The following DSCAM variants were observed in gnomAD, a reference collection of about 807,000 sequenced individuals.
DSCAM encodes the protein cell adhesion molecule DSCAM.
DSCAM carries 47 observed loss-of-function variants against 217.7 expected under a neutral mutation model. The observed-to-expected ratio is 0.22, with a 90% CI of 0.17 to 0.28. DSCAM has a LOEUF of 0.28. Ranked by LOEUF, DSCAM falls within the 10% of genes least tolerant of loss-of-function variation. DSCAM has a pLI of 1.00. For missense variants in DSCAM, 2,080 were observed against 2,618.3 expected, an observed-to-expected ratio of 0.79 and a Z score of 4.49; for synonymous variants, 1,056 against 1,015.3, an observed-to-expected ratio of 1.04 and a Z score of -0.76.
chr21:40,710,901 C>T (rs2090772535), intron 1 of DSCAM, among the ~76,000 whole-genome samples: 1 of 152,154 alleles, frequency 6.6e-6, no homozygotes, highest in African/African-American at 2.4e-5. Context: ...TTATTGTATG[C>T]TTCATAGTAT....
intron 11 of DSCAM, among the ~76,000 whole-genome samples, chr21:40,196,901 T>C (rs550067543): frequency 6.6e-6 from 1 of 152,308 alleles, no homozygotes; most frequent in African/African-American, 2.4e-5. Flanking sequence ...GATTCTAAAT[T>C]ATGCTATAAA....
chr21:40,243,300 C>G (rs2073178214), intron 11 of DSCAM, among the ~76,000 whole-genome samples: 1 of 152,066 alleles, frequency 6.6e-6, no homozygotes, highest in Non-Finnish European at 1.5e-5. Context: ...AAATTTCAGT[C>G]TTTGTGGGAG....
intron 1 of DSCAM, among the ~76,000 whole-genome samples, chr21:40,782,003 A>AAG (rs2091550017): frequency 6.7e-6 from 1 of 149,346 alleles, no homozygotes; most frequent in Admixed American, 6.7e-5. Context: ...AAAAAAAAAA[A>AAG]AAAAAAAGAA....
chr21:40,082,518 T>C (rs1182888758), intron 24 of DSCAM, among the ~76,000 whole-genome samples: 1 of 144,058 alleles, frequency 6.9e-6, no homozygotes, highest in Non-Finnish European at 1.5e-5. Flanking sequence ...TCGTACAATT[T>C]GTGCTGTGCA....
At chr21:40,360,483 G>C (rs1210481766) in intron 4 of DSCAM, among the ~76,000 whole-genome samples, 1 of 151,870 alleles carries the variant, frequency 6.6e-6, no homozygotes, top group Non-Finnish European at 1.5e-5. Flanking sequence ...ACAGTCTAGT[G>C]TCCACAGTGT....
Position 40,339,351 on chromosome 21 carries a change from G to A in DSCAM, c.1275C>T (p.Ser425=), listed in dbSNP as rs1601564506. The A allele has an allele frequency of 1.2e-6, 2 of 1,613,920 alleles. No individual in the cohort carries two copies. The highest frequency in any genetic ancestry group is 1.6e-4 in the Middle Eastern group (1 of 6,062). The change falls in exon 7 of 33, where the codon TCC becomes TCT. Residue 425 remains serine (S), a synonymous_variant. Transcript: ENST00000400454. ...GTGTTCCCTTCACGTTGCACATAAG[G>A]GAAACCGGCTCTGCTGGACTCACCA... The part of the protein sequence containing the change: ...EKVVSPAEPV[S]LMCNVKGTPL...
At chr21:40,132,318 G>A (rs149781638) in intron 19 of DSCAM, among the ~76,000 whole-genome samples, 1 of 152,174 alleles carries the variant, frequency 6.6e-6, no homozygotes, top group Admixed American at 6.5e-5. Flanking sequence ...TAGGTAAGGT[G>A]CCCAAAGACC....
rs1343432754 is a variant in DSCAM, at chr21:40,038,351, G to A, written c.5686+4020C>T. Among the ~76,000 whole-genome samples the A allele has an allele frequency of 8.9e-4, 47 of 52,664 alleles. 1 individual carries two copies. The highest frequency in any genetic ancestry group is 3.2e-3 in the African/African-American group (45 of 13,906). The allele number at this position is 52,664 out of a possible 152,430, so 34.5% of individuals were successfully genotyped here. A position where few individuals can be genotyped will look rare whatever the true frequency, so the allele number is the denominator to read the frequency against. ...AAACAAACAACCCCATCGAAAAGTG[G>A]GTGAAGGACATGAACAGACACTTCT... On this transcript the variant is annotated intron_variant, in intron 32 of 32. Transcript: ENST00000400454.
intron 15 of DSCAM, among the ~76,000 whole-genome samples, chr21:40,177,696 A>C (rs2090748543): frequency 6.6e-6 from 1 of 152,250 alleles, no homozygotes; most frequent in South Asian, 2.1e-4. Context: ...CTCGAAAATA[A>C]TTGACCCGTT....
intron 3 of DSCAM, among the ~76,000 whole-genome samples, chr21:40,691,282 C>G (rs1319565192): frequency 1.1e-4 from 17 of 152,220 alleles, no homozygotes; most frequent in Admixed American, 1.1e-3. Context: ...CTCCCATGCT[C>G]TCTTCCTCTG....
At chr21:40,342,648 A>ATATATATATATATATATATAT (rs61637421) in intron 6 of DSCAM, among the ~76,000 whole-genome samples, 1 of 80,316 alleles carries the variant, frequency 1.2e-5, no homozygotes, top group African/African-American at 5.2e-5. Context: ...ATATATATAT[A>ATATATATATATATATATATAT]TTTTTTTTTT....
At chr21:40,471,901 G>A (rs997999327) in intron 3 of DSCAM, among the ~76,000 whole-genome samples, 9 of 152,020 alleles carry the variant, frequency 5.9e-5, no homozygotes, top group Admixed American at 1.3e-4. Context: ...CCGTTAACTC[G>A]TCATTTACAT....
chr21:40,547,998 T>C (rs975822376), intron 3 of DSCAM, among the ~76,000 whole-genome samples: 3 of 152,194 alleles, frequency 2.0e-5, no homozygotes, highest in African/African-American at 7.2e-5. Flanking sequence ...GCCTGGCATA[T>C]GGTGTCTCCA....
chr21:40,741,963 A>G (rs1455044879), intron 1 of DSCAM, among the ~76,000 whole-genome samples: 1 of 152,130 alleles, frequency 6.6e-6, no homozygotes, highest in Non-Finnish European at 1.5e-5. Context: ...ATAGATAGAG[A>G]TCACACATTT....
intron 15 of DSCAM, among the ~76,000 whole-genome samples, chr21:40,175,811 A>ACGCG (rs112452108): frequency 7.8e-6 from 1 of 127,476 alleles, no homozygotes; most frequent in Non-Finnish European, 1.7e-5. Context: ...ACACACACGC[A>ACGCG]CACACACACA....
intron 8 of DSCAM, among the ~76,000 whole-genome samples, chr21:40,335,090 T>C (rs930353279): frequency 6.6e-6 from 1 of 152,128 alleles, no homozygotes; most frequent in Non-Finnish European, 1.5e-5. Context: ...TTACCTAGGA[T>C]GTCCCTTCCC....
chr21:40,759,821 T>A (rs1032991558), intron 1 of DSCAM, among the ~76,000 whole-genome samples: 1 of 152,138 alleles, frequency 6.6e-6, no homozygotes, highest in Non-Finnish European at 1.5e-5. Flanking sequence ...CCTTCCTCAC[T>A]GCCGCCTTCT....
rs1369935460 is a variant in DSCAM, at chr21:40,042,416, C to T, written c.5641G>A (p.Gly1881Arg). 6.2e-6 allele frequency: 10 copies of T among 1,614,200 alleles called. No individual in the cohort carries two copies. The highest frequency in any genetic ancestry group is 7.6e-6 in the Non-Finnish European group (9 of 1,180,036). ...ACTGCCATATTCATTACTCTTCCTCCATCCTGAGGTTTGGGGGGAGATGCA... is the reference window on the plus strand; with the variant it reads ...ACTGCCATATTCATTACTCTTCCTCTATCCTGAGGTTTGGGGGGAGATGCA... ...FTASPPKPQDGGRVMNMAVPK... is the reference protein window; with the variant it reads ...FTASPPKPQDRGRVMNMAVPK... Residue 1881 changes from glycine to arginine, a missense_variant, in exon 32 of 33, where the codon GGA (glycine) becomes AGA (arginine). This residue lies in a region of DSCAM where 1,144 missense variants were observed against 1,421.1 expected (regional missense o/e 0.81). Transcript: ENST00000400454.
At chr21:40,079,024 G>A in intron 25 of DSCAM, 47 bp from the exon 26 acceptor site, 3 of 1,584,846 alleles carry the variant, frequency 1.9e-6, no homozygotes, top group South Asian at 1.2e-5. Flanking sequence ...CACATGGGGA[G>A]GCCATCAGCA....
Sources: allele counts gnomAD v4.1 joint callset (sites outside exome capture counted in the v4.1 genomes callset), GRCh38; gene constraint gnomAD v4.1.1; regional missense constraint gnomAD v4.1.1; transcripts MANE v1.5; gene names NCBI Gene and HGNC (gene_info 2026-07-23, HGNC 2026-07-21).